Variants in PTN observed in about 807,000 individuals in gnomAD.
PTN encodes the protein heparin affin regulatory protein.
Under a neutral mutation model 24.1 loss-of-function variants are expected in PTN, and 18 were observed. The observed-to-expected ratio is 0.75, with a 90% confidence interval of 0.52 to 1.11. The LOEUF (loss-of-function observed/expected upper bound fraction) is 1.11. PTN is among the 50% of genes least tolerant of loss of function. PTN has a pLI of 0.00. For missense variants in PTN, 163 were observed against 198.8 expected, an observed-to-expected ratio of 0.82 and a Z score of 1.08; for synonymous variants, 78 against 68.6, an observed-to-expected ratio of 1.14 and a Z score of -0.67.
chr7:137,255,937 A>G (rs1277104851), intron 1 of PTN, among the ~76,000 whole-genome samples: 3 of 152,186 alleles, frequency 2.0e-5, no homozygotes, highest in Non-Finnish European at 2.9e-5. Context: ...TCACATAAAA[A>G]TGGTTGTAAT....
At chr7:137,282,051 A>C (rs1291854970) in intron 1 of PTN, among the ~76,000 whole-genome samples, 4 of 152,228 alleles carry the variant, frequency 2.6e-5, no homozygotes, top group African/African-American at 9.6e-5. Context: ...GTAAGGTCAA[A>C]ATATAAAACC....
At chr7:137,283,130 G>A (rs1028818820) in intron 1 of PTN, among the ~76,000 whole-genome samples, 1 of 152,168 alleles carries the variant, frequency 6.6e-6, no homozygotes, top group Non-Finnish European at 1.5e-5. Flanking sequence ...CTGCTAGGAA[G>A]TGTCCACATG....
At chr7:137,257,476 G>T (rs929845351) in intron 1 of PTN, among the ~76,000 whole-genome samples, 1 of 152,158 alleles carries the variant, frequency 6.6e-6, no homozygotes, top group African/African-American at 2.4e-5. Flanking sequence ...AGAGTTCTTT[G>T]AGTTGGGCAC....
chr7:137,273,636 T>G (rs1339870782), intron 1 of PTN, among the ~76,000 whole-genome samples: 1 of 151,530 alleles, frequency 6.6e-6, no homozygotes, highest in Non-Finnish European at 1.5e-5. Flanking sequence ...ATGTGTAGAG[T>G]CTAGAGCACA....
At chr7:137,314,588 T>C (rs1456659959) in intron 1 of PTN, among the ~76,000 whole-genome samples, 5 of 134,662 alleles carry the variant, frequency 3.7e-5, no homozygotes, top group African/African-American at 1.0e-4. Context: ...CCCAGTCTTT[T>C]ACATGATGCT....
intron 1 of PTN, among the ~76,000 whole-genome samples, chr7:137,255,328 A>G (rs1467108522): frequency 4.6e-5 from 7 of 152,252 alleles, no homozygotes; most frequent in Non-Finnish European, 1.0e-4. Context: ...GGTAATATCG[A>G]CAACTACAGC....
chr7:137,257,443 C>G (rs1174401748), intron 1 of PTN, among the ~76,000 whole-genome samples: 1 of 152,212 alleles, frequency 6.6e-6, no homozygotes, highest in East Asian at 1.9e-4. Flanking sequence ...CCAGTCTAGA[C>G]TCATAGGTTT....
intron 1 of PTN, among the ~76,000 whole-genome samples, chr7:137,271,912 T>C (rs748450397): frequency 1.3e-5 from 2 of 152,222 alleles, no homozygotes; most frequent in African/African-American, 2.4e-5. Flanking sequence ...AGATTACGTA[T>C]GAAAATTAAG....
chr7:137,288,065 C>G (rs1432500681), intron 1 of PTN, among the ~76,000 whole-genome samples: 1 of 152,054 alleles, frequency 6.6e-6, no homozygotes, highest in East Asian at 1.9e-4. Context: ...AGGATATTTC[C>G]AGGGTTTTGG....
At chr7:137,341,862 T>G (rs906920174) in intron 1 of PTN, among the ~76,000 whole-genome samples, 1 of 152,066 alleles carries the variant, frequency 6.6e-6, no homozygotes, top group African/African-American at 2.4e-5. Flanking sequence ...TTTTTTTAAA[T>G]AATATAATTT....
chr7:137,259,703 G>C (rs1808999965), intron 1 of PTN, among the ~76,000 whole-genome samples: 2 of 151,174 alleles, frequency 1.3e-5, no homozygotes, highest in Non-Finnish European at 3.0e-5. Context: ...GAGAGAGAGA[G>C]ACATGATTTA....
Position 137,262,914 on chromosome 7 carries a change from G to A in PTN, c.-1-7940C>T, listed in dbSNP as rs182450906. On this transcript the variant is annotated intron_variant, in intron 1 of 4. Coordinates refer to ENST00000348225, the MANE Select transcript of PTN (RefSeq NM_002825.7). ...TCCTTGGTTTCAGGTCTGGTTCCTA[G>A]GTGCTGGGCTACCTGCCTTTTGTTT... 1.7e-3 allele frequency among the ~76,000 whole-genome samples: 252 copies of A among 152,262 alleles called. 1 individual carries two copies. Among genetic ancestry groups the A allele is most frequent in the Admixed American group, 3.7e-3 (56 of 15,298 alleles).
chr7:137,343,185 G>A (rs1298309225), intron 1 of PTN, among the ~76,000 whole-genome samples: 4 of 152,128 alleles, frequency 2.6e-5, no homozygotes, highest in Non-Finnish European at 5.9e-5. Flanking sequence ...CCAAATACAT[G>A]CTTAACATCA....
rs148355555 is a variant in PTN, at chr7:137,296,916, C to T, written c.-1-41942G>A. On this transcript the variant is annotated intron_variant, in intron 1 of 4. Coordinates refer to ENST00000348225, the MANE Select transcript of PTN (RefSeq NM_002825.7). The stretch of plus-strand genomic sequence containing the variant: ...AGATGTAGGTTATGCTTGTAGTTGT[C>T]TGGGAAGTTTGTTAGAGTGTGGAAA... Among the ~76,000 whole-genome samples, 316 of 152,128 alleles carry T rather than the reference C, an allele frequency of 2.1e-3. 1 individual carries two copies. Among genetic ancestry groups the T allele is most frequent in the Non-Finnish European group, 3.4e-3 (234 of 67,956 alleles).
At chr7:137,247,718 T>C (rs1228282858) in intron 4 of PTN, among the ~76,000 whole-genome samples, 2 of 152,214 alleles carry the variant, frequency 1.3e-5, no homozygotes, top group East Asian at 3.8e-4. Flanking sequence ...TTCTCCATAA[T>C]ATGCTTATTT....
intron 1 of PTN, among the ~76,000 whole-genome samples, chr7:137,266,080 A>T (rs1433683422): frequency 6.6e-6 from 1 of 152,210 alleles, no homozygotes; most frequent in East Asian, 1.9e-4. Context: ...ATGTTTGATC[A>T]TAAGTAAGAT....
intron 1 of PTN, among the ~76,000 whole-genome samples, chr7:137,305,755 C>T (rs567581743): frequency 6.6e-6 from 1 of 152,120 alleles, no homozygotes; most frequent in Non-Finnish European, 1.5e-5. Flanking sequence ...TTGAAATGAG[C>T]TCAAATCAAG....
At chr7:137,311,249 AAG>A (rs1157846117) in intron 1 of PTN, among the ~76,000 whole-genome samples, 2 of 151,598 alleles carry the variant, frequency 1.3e-5, no homozygotes, top group African/African-American at 2.4e-5. Flanking sequence ...AAAAAAAAAA[AAG>A]AATTGAAGAG....
chr7:137,290,772 T>C (rs1280334858), intron 1 of PTN, among the ~76,000 whole-genome samples: 1 of 152,160 alleles, frequency 6.6e-6, no homozygotes, highest in African/African-American at 2.4e-5. Context: ...TAAAACCACA[T>C]TTTATTTTCA....
Sources: gnomAD v4.1 joint callset for allele counts (sites outside exome capture counted in the v4.1 genomes callset) on GRCh38, gnomAD v4.1.1 for gene constraint, MANE v1.5 for transcripts, NCBI Gene and HGNC (gene_info 2026-07-23, HGNC 2026-07-21) for gene names.